The following SMOX variants were observed in gnomAD, a reference collection of about 807,000 sequenced individuals.
The protein encoded by SMOX is flavin containing amine oxidase.
A neutral mutation model predicts 51.0 loss-of-function variants in SMOX; 22 were observed. That is an observed-to-expected ratio of 0.43 (90% CI 0.31 to 0.62). The LOEUF is 0.62. SMOX is among the 20% of genes least tolerant of loss of function. The pLI is 0.10. For synonymous variants in SMOX, 282 were observed against 307.8 expected (o/e 0.92, Z 0.88); for missense variants, 566 against 777.7 (o/e 0.73, Z 3.24).
At chr20:4,180,051 A>G (rs1055438941) in intron 3 of SMOX, among the ~76,000 whole-genome samples, 2 of 152,182 alleles carry the variant, frequency 1.3e-5, no homozygotes, top group African/African-American at 4.8e-5. Flanking sequence ...TAAGCTAAGG[A>G]CTGGCTACCA....
rs906029348 is a variant in SMOX at position 4,183,729 on chromosome 20, G to GGCTA, written c.1530+77_1530+80dup. The GGCTA allele has an allele frequency of 3.4e-5, 50 of 1,483,296 alleles. No homozygotes were observed. Among genetic ancestry groups the GGCTA allele is most frequent in the Non-Finnish European group, 4.3e-5 (48 of 1,123,974 alleles). The allele number at this position is 1,483,296 out of a possible 1,614,324, so 91.9% of individuals were successfully genotyped here. On this transcript the variant is annotated intron_variant, in intron 6 of 6. Coordinates refer to ENST00000305958, the MANE Select transcript of SMOX (RefSeq NM_175839.3). This position sits in a 1 kb window ranked among gnomAD's most constrained non-coding sequence, Gnocchi z 4.3. ...TGTGTGTCCGGTCCAGGGTGAGGAG[G>GGCTA]GCTAGGGTAGTGTTCACTAAGGGGT...
chr20:4,158,028 G>A (rs1986106604), intron 1 of SMOX, among the ~76,000 whole-genome samples: 1 of 151,226 alleles, frequency 6.6e-6, no homozygotes, highest in Admixed American at 6.6e-5. Flanking sequence ...AGCCTCCCGA[G>A]TAGCTGGGAC....
chr20:4,181,808 T>C lies in SMOX; in HGVS notation c.441T>C (p.Tyr147=), dbSNP rs1398112682. The C allele has an allele frequency of 1.3e-5, 21 of 1,613,790 alleles. No homozygotes were observed. The highest frequency in any genetic ancestry group is 1.8e-5 in the Non-Finnish European group (21 of 1,179,936). ...TCATGGGGTCTCTCTGGCAGGTCTATAACTTGACCCAGGAGTTCTTCCGGC... is the reference window on the plus strand; with the variant it reads ...TCATGGGGTCTCTCTGGCAGGTCTACAACTTGACCCAGGAGTTCTTCCGGC... ...EEFSDLYNEV[Y]NLTQEFFRHD... is the part of the protein sequence containing the mutation. The change falls in exon 4 of 7, where the codon TAT becomes TAC. Residue 147 remains tyrosine, a synonymous_variant. Coordinates refer to ENST00000305958, the MANE Select transcript of SMOX (RefSeq NM_175839.3). This position sits in a 1 kb window ranked among gnomAD's most constrained non-coding sequence, Gnocchi z 5.6.
At chr20:4,179,989 G>T (rs1482906966) in intron 3 of SMOX, among the ~76,000 whole-genome samples, 1 of 152,174 alleles carries the variant, frequency 6.6e-6, no homozygotes, top group Admixed American at 6.5e-5. Context: ...GAGTCATGTC[G>T]ATGGACTAAA....
rs1555814178 is a variant in SMOX, at chr20:4,166,115, G to GTTGTCAGAATGTGATCTA, written c.-26-8907_-26-8906insATGTGATCTATTGTCAGA. Among the ~76,000 whole-genome samples, 270 of 150,936 alleles carry GTTGTCAGAATGTGATCTA rather than the reference G, an allele frequency of 1.8e-3. 1 individual carries two copies. Among genetic ancestry groups the GTTGTCAGAATGTGATCTA allele is most frequent in the African/African-American group, 5.8e-3 (239 of 41,120 alleles). ...TTGTGCCTAGCGCCTGATCTAATCT[G>GTTGTCAGAATGTGATCTA]TTGTCAGAGTGTGATCTATTGTCAG... is the stretch of plus-strand genomic sequence containing the variant. On this transcript the variant is annotated intron_variant, in intron 1 of 6. Coordinates refer to ENST00000305958, the MANE Select transcript of SMOX (RefSeq NM_175839.3). The surrounding 1 kb of genome is among the most constrained non-coding windows in gnomAD (Gnocchi z 4.2).
intron 1 of SMOX, among the ~76,000 whole-genome samples, chr20:4,150,152 C>G (rs1016486631): frequency 3.9e-5 from 6 of 152,220 alleles, no homozygotes; most frequent in Non-Finnish European, 7.3e-5. Context: ...GGCACCCTGT[C>G]TCTCCAATTT....
intron 1 of SMOX, among the ~76,000 whole-genome samples, chr20:4,163,240 G>A (rs995503074): frequency 3.9e-5 from 6 of 151,946 alleles, no homozygotes; most frequent in Non-Finnish European, 7.4e-5. Context: ...CCACCCCAGA[G>A]AGTCTAATTT....
In SMOX at chr20:4,149,214, G is replaced by A. The variant is rs907763015; in HGVS notation, c.-27+237G>A. On this transcript the variant is annotated intron_variant, in intron 1 of 6. Coordinates refer to ENST00000305958, the MANE Select transcript of SMOX (RefSeq NM_175839.3). This position sits in a 1 kb window ranked among gnomAD's most constrained non-coding sequence, Gnocchi z 6.0. ...GCCCCCCTGGCTTCCGCCGGGGTAAGCAGTGGTGTGGGCCGGGGTGGCGGC... is the reference window on the plus strand; with the variant it reads ...GCCCCCCTGGCTTCCGCCGGGGTAAACAGTGGTGTGGGCCGGGGTGGCGGC... 1.9e-4 allele frequency among the ~76,000 whole-genome samples: 28 copies of A among 150,378 alleles called. No homozygotes were observed. Among genetic ancestry groups the A allele is most frequent in the African/African-American group, 6.8e-4 (28 of 41,304 alleles).
intron 1 of SMOX, among the ~76,000 whole-genome samples, chr20:4,158,446 A>G (rs894561916): frequency 4.6e-5 from 7 of 152,186 alleles, no homozygotes; most frequent in Admixed American, 2.0e-4. Flanking sequence ...CAGGTGGAGC[A>G]TGGTGGCCTA....
chr20:4,184,242 C>T (rs941274836), intron 6 of SMOX, among the ~76,000 whole-genome samples: 2 of 151,754 alleles, frequency 1.3e-5, no homozygotes, highest in African/African-American at 2.4e-5. Context: ...GCTGTCCTCC[C>T]GCCTCAACCT....
intron 2 of SMOX, 42 bp downstream of exon 2, chr20:4,175,305 C>T (rs1188913694): frequency 1.9e-6 from 3 of 1,579,048 alleles, no homozygotes; most frequent in Non-Finnish European, 1.7e-6. Context: ...CCCCAGGTCA[C>T]CTTTAGTCTC....
At position 4,149,085 on chromosome 20, in the gene SMOX, G is replaced by A. The variant is rs1985588516; in HGVS notation, c.-27+108G>A. 6.7e-6 allele frequency: 1 copy of A among 149,746 alleles called. No homozygotes were observed. The highest frequency in any genetic ancestry group is 1.5e-5 in the Non-Finnish European group (1 of 67,110). 9.3% of individuals were successfully genotyped at this position (149,746 alleles called of 1,614,324 possible). Reference sequence around the variant, plus strand: ...GGGTGAGGGGCCCGGAGCGGTCCCCGAGGGCTCGGCCGGCCCGGGGCTTGG... The same window carrying A: ...GGGTGAGGGGCCCGGAGCGGTCCCCAAGGGCTCGGCCGGCCCGGGGCTTGG... On this transcript the variant is annotated intron_variant, in intron 1 of 6. Coordinates refer to ENST00000305958, the MANE Select transcript of SMOX (RefSeq NM_175839.3). This position sits in a 1 kb window ranked among gnomAD's most constrained non-coding sequence, Gnocchi z 6.0.
At chr20:4,179,871 T>A (rs1189118763) in intron 3 of SMOX, among the ~76,000 whole-genome samples, 1 of 152,184 alleles carries the variant, frequency 6.6e-6, no homozygotes, top group East Asian at 1.9e-4. Flanking sequence ...CCTGTCCGAT[T>A]TTCCTTGGGT....
intron 3 of SMOX, among the ~76,000 whole-genome samples, chr20:4,180,920 A>C (rs1979272455): frequency 6.6e-6 from 1 of 152,028 alleles, no homozygotes; most frequent in Non-Finnish European, 1.5e-5. Flanking sequence ...TTTCGCCCAC[A>C]TTACAAGCTG....
In SMOX at chr20:4,157,684, G is replaced by A. The variant is rs1436574376; in HGVS notation, c.-27+8707G>A. On this transcript the variant is annotated intron_variant, in intron 1 of 6. Coordinates refer to ENST00000305958, the MANE Select transcript of SMOX (RefSeq NM_175839.3). ...GTGCATTAGTGAGACATGAGGCAGG[G>A]TGTGAGTGATGGTGGGCTGTGGGAG... Among the ~76,000 whole-genome samples, 3 of 152,222 alleles carry A rather than the reference G, an allele frequency of 2.0e-5. No homozygotes were observed. In the East Asian group the frequency reaches 5.8e-4, roughly 30 times the overall value.
chr20:4,172,798 T>A lies in SMOX; in HGVS notation c.-26-2232T>A, dbSNP rs943618671. ...TGGAGGGATTTTAGGGGCTGGAGGG[T>A]GGGTGGGTGGGAGGGGGGGTGGTGG... is the stretch of plus-strand genomic sequence containing the variant. On this transcript the variant is annotated intron_variant, in intron 1 of 6. Coordinates refer to ENST00000305958, the MANE Select transcript of SMOX (RefSeq NM_175839.3). This position sits in a 1 kb window ranked among gnomAD's most constrained non-coding sequence, Gnocchi z 7.7. 1.7e-4 allele frequency among the ~76,000 whole-genome samples: 1 copy of A among 5,834 alleles called. No homozygotes were observed. The highest frequency in any genetic ancestry group is 3.5e-4 in the Non-Finnish European group (1 of 2,856). 3.8% of individuals were successfully genotyped at this position (5,834 alleles called of 152,430 possible).
intron 1 of SMOX, among the ~76,000 whole-genome samples, chr20:4,151,865 G>T (rs980422029): frequency 4.6e-5 from 7 of 152,200 alleles, no homozygotes; most frequent in African/African-American, 1.7e-4. Context: ...TGTATCTGGA[G>T]CATCTAGCAC....
In SMOX at chr20:4,182,020, A is replaced by G. The variant is rs200848344; in HGVS notation, c.609+44A>G. 19 of 1,604,564 alleles carry G rather than the reference A, an allele frequency of 1.2e-5. No individual in the cohort carries two copies. In the East Asian group the frequency reaches 4.0e-4, roughly 34 times the overall value. ...ATTCTGGGGGCGTCTGGGTCTGAGG[A>G]GGGCTACGCTGCTCCTACCCCTGCC... is the stretch of plus-strand genomic sequence containing the variant. On this transcript the variant is annotated intron_variant, in intron 4 of 6. Transcript: ENST00000305958. This position sits in a 1 kb window ranked among gnomAD's most constrained non-coding sequence, Gnocchi z 8.4.
Position 4,187,719 on chromosome 20 carries a change from T to G in SMOX, c.*312T>G. ...GGATAATAAAAAAGGCTCCCTCCCC[T>G]GCCCCTCAGCTTCTCTCTGGTTTTC... On this transcript the variant is annotated 3_prime_UTR_variant, in exon 7 of 7. Transcript: ENST00000305958. The surrounding 1 kb of genome is among the most constrained non-coding windows in gnomAD (Gnocchi z 4.8). The G allele has an allele frequency of 3.9e-6, 1 of 257,500 alleles. No homozygotes were observed. 16.0% of individuals were successfully genotyped at this position (257,500 alleles called of 1,614,324 possible). A position where few individuals can be genotyped will look rare whatever the true frequency, so the allele number is the denominator to read the frequency against.
Sources: gnomAD v4.1 joint callset for allele counts (sites outside exome capture counted in the v4.1 genomes callset) on GRCh38, gnomAD v4.1.1 for gene constraint, Gnocchi (gnomAD v3.1) non-coding constraint, MANE v1.5 for transcripts, NCBI Gene and HGNC (gene_info 2026-07-23, HGNC 2026-07-21) for gene names.